The following PRKACB variants were observed in gnomAD, a reference collection of about 807,000 sequenced individuals.
PRKACB encodes the protein cAMP-dependent protein kinase catalytic subunit beta.
PRKACB carries 16 observed loss-of-function variants against 51.4 expected under a neutral mutation model. The ratio of observed to expected loss-of-function variants is 0.31; its 90% CI spans 0.21 to 0.47. PRKACB has a LOEUF of 0.47. Ranked by LOEUF, PRKACB falls within the 20% of genes least tolerant of loss-of-function variation. The pLI, the probability that PRKACB is intolerant of heterozygous loss-of-function variation, is 1.00. For synonymous variants in PRKACB, 147 were observed against 154.4 expected (o/e 0.95, Z 0.35); for missense variants, 309 against 464.5 (o/e 0.67, Z 3.08).
chr1:84,119,548 C>G (rs1284227900), intron 1 of PRKACB, among the ~76,000 whole-genome samples: 1 of 152,054 alleles, frequency 6.6e-6, no homozygotes, highest in East Asian at 1.9e-4. Context: ...AACTTCTACC[C>G]AAAAAGAGAG....
Position 84,235,468 on chromosome 1 carries a change from AC to A in PRKACB, c.*165del. ...CATCCCGTGTGCGCACTCTGCATCC[AC>A]CTATGTAACAAGGCACCGCTAAGCA... On this transcript the variant is annotated 3_prime_UTR_variant, in exon 10 of 10. Coordinates refer to ENST00000370685, the MANE Select transcript of PRKACB (RefSeq NM_182948.4). 1 of 839,976 alleles carries A rather than the reference AC, an allele frequency of 1.2e-6. No individual in the cohort carries two copies. The highest frequency in any genetic ancestry group is 1.8e-6 in the Non-Finnish European group (1 of 548,826). The allele number at this position is 839,976 out of a possible 1,614,324, so 52.0% of individuals were successfully genotyped here.
intron 9 of PRKACB, among the ~76,000 whole-genome samples, chr1:84,219,615 A>G (rs28787942): frequency 1.3e-5 from 2 of 149,836 alleles, no homozygotes; most frequent in Non-Finnish European, 3.0e-5. Flanking sequence ...ATTCATTTTG[A>G]GTGATTTGGG....
intron 1 of PRKACB, among the ~76,000 whole-genome samples, chr1:84,175,245 A>G (rs1660833669): frequency 6.6e-6 from 1 of 151,736 alleles, no homozygotes; most frequent in South Asian, 2.1e-4. Flanking sequence ...TTTATATTGT[A>G]ATTTCTTGTG....
chr1:84,127,785 T>G (rs1479826281), intron 1 of PRKACB, among the ~76,000 whole-genome samples: 1 of 152,090 alleles, frequency 6.6e-6, no homozygotes, highest in Non-Finnish European at 1.5e-5. Context: ...TACTTTATTT[T>G]ACTTCTAGTG....
chr1:84,079,881 G>A lies in PRKACB; in HGVS notation c.46+1510G>A, dbSNP rs185145904. Among the ~76,000 whole-genome samples, 6 of 152,190 alleles carry A rather than the reference G, an allele frequency of 3.9e-5. No homozygotes were observed. In the East Asian group the frequency reaches 1.2e-3, roughly 29 times the overall value. Reference sequence around the variant, plus strand: ...GAGTTTCACCATGTTGGTCAGGCTGGTCTCGAACTCCTGACCTCAGGTAAT... The same window carrying A: ...GAGTTTCACCATGTTGGTCAGGCTGATCTCGAACTCCTGACCTCAGGTAAT... On this transcript the variant is annotated intron_variant, in intron 1 of 8. Coordinates refer to the PRKACB transcript ENST00000370688.
chr1:84,183,436 A>G (rs1664165354), intron 3 of PRKACB, among the ~76,000 whole-genome samples: 1 of 151,860 alleles, frequency 6.6e-6, no homozygotes, highest in Admixed American at 6.6e-5. Context: ...TTCTATGGCA[A>G]TATAAAATAA....
chr1:84,199,530 A>G (rs553557513), intron 7 of PRKACB, among the ~76,000 whole-genome samples: 21 of 152,192 alleles, frequency 1.4e-4, no homozygotes, highest in Admixed American at 8.5e-4. Flanking sequence ...TATGTACCAC[A>G]TTTTCTTTGT....
Position 84,217,604 on chromosome 1 carries a change from G to A in PRKACB, c.1071+3287G>A, listed in dbSNP as rs937809586. On this transcript the variant is annotated intron_variant, in intron 9 of 9. Transcript: ENST00000370685. ...GAGCCAAGAGTTCAAGACTAGATGG[G>A]CAACATAGTGAGACATCATCTCTTC... Among the ~76,000 whole-genome samples, 7 of 152,204 alleles carry A rather than the reference G, an allele frequency of 4.6e-5. No individual in the cohort carries two copies. The South Asian group carries it at 1.5e-3, about 32-fold the overall frequency.
chr1:84,238,069 A>T lies in PRKACB; in HGVS notation c.*2764A>T, dbSNP rs1435044306. On this transcript the variant is annotated 3_prime_UTR_variant, in exon 10 of 10. Coordinates refer to ENST00000370685, the MANE Select transcript of PRKACB (RefSeq NM_182948.4). ...ACAGTGTTCTTAAAATTATTTGAAT[A>T]TCATAAGAGCCTTGGTGTCTGTCCT... 6.6e-6 allele frequency: 1 copy of T among 152,150 alleles called. No individual in the cohort carries two copies. Among genetic ancestry groups the T allele is most frequent in the Non-Finnish European group, 1.5e-5 (1 of 67,998 alleles). The allele number at this position is 152,150 out of a possible 1,614,324, so 9.4% of individuals were successfully genotyped here. A position where few individuals can be genotyped will look rare whatever the true frequency, so the allele number is the denominator to read the frequency against.
intron 1 of PRKACB, among the ~76,000 whole-genome samples, chr1:84,165,432 T>C (rs181254871): frequency 6.6e-6 from 1 of 151,866 alleles, no homozygotes; most frequent in Non-Finnish European, 1.5e-5. Context: ...TTAGATTTTT[T>C]AAATAGTAAT....
intron 1 of PRKACB, among the ~76,000 whole-genome samples, chr1:84,129,585 A>C (rs1651970710): frequency 6.6e-6 from 1 of 152,176 alleles, no homozygotes; most frequent in Non-Finnish European, 1.5e-5. Context: ...TAAAACTTTT[A>C]TCTTTTACAT....
At chr1:84,097,337 C>T (rs535704801) in intron 1 of PRKACB, among the ~76,000 whole-genome samples, 1 of 151,882 alleles carries the variant, frequency 6.6e-6, no homozygotes, top group Non-Finnish European at 1.5e-5. Context: ...TAGATACTAT[C>T]AAACTGTTTT....
intron 1 of PRKACB, among the ~76,000 whole-genome samples, chr1:84,118,411 C>A (rs1470852516): frequency 1.3e-5 from 2 of 151,926 alleles, no homozygotes; most frequent in Non-Finnish European, 2.9e-5. Flanking sequence ...TTGTAATTTT[C>A]TAAATAGATA....
At chr1:84,116,141 C>A (rs1650619706) in intron 1 of PRKACB, among the ~76,000 whole-genome samples, 1 of 151,976 alleles carries the variant, frequency 6.6e-6, no homozygotes, top group South Asian at 2.1e-4. Context: ...TCAGGTTTGT[C>A]AAAGATCAAT....
intron 1 of PRKACB, among the ~76,000 whole-genome samples, chr1:84,136,385 GAT>G (rs1652810226): frequency 6.6e-6 from 1 of 151,786 alleles, no homozygotes; most frequent in Non-Finnish European, 1.5e-5. Flanking sequence ...TCTTATTAAA[GAT>G]ATAGATGTCA....
intron 1 of PRKACB, among the ~76,000 whole-genome samples, chr1:84,119,756 T>C (rs910281225): frequency 1.3e-5 from 2 of 152,134 alleles, no homozygotes; most frequent in African/African-American, 2.4e-5. Context: ...GGCACACATA[T>C]AGCATAGCAA....
chr1:84,230,425 T>C (rs2101689628), intron 9 of PRKACB, among the ~76,000 whole-genome samples: 1 of 152,320 alleles, frequency 6.6e-6, no homozygotes, highest in East Asian at 1.9e-4. Flanking sequence ...GGCTCTTTTT[T>C]GGTTCCATAT....
intron 1 of PRKACB, among the ~76,000 whole-genome samples, chr1:84,079,144 G>GGTGTGT (rs1192761562): frequency 6.6e-6 from 1 of 151,366 alleles, no homozygotes; most frequent in African/African-American, 2.4e-5. Flanking sequence ...ATGGCGATAA[G>GGTGTGT]GTGTGTGTGT....
At chr1:84,156,192 T>C (rs1326924249) in intron 1 of PRKACB, among the ~76,000 whole-genome samples, 1 of 152,010 alleles carries the variant, frequency 6.6e-6, no homozygotes, top group Non-Finnish European at 1.5e-5. Flanking sequence ...GATGAGATCT[T>C]GCTGTGTTGC....
Sources: gnomAD v4.1 joint callset for allele counts (sites outside exome capture counted in the v4.1 genomes callset) on GRCh38, gnomAD v4.1.1 for gene constraint, MANE v1.5 for transcripts, NCBI Gene and HGNC (gene_info 2026-07-23, HGNC 2026-07-21) for gene names.